RAB35: variants seen among roughly 807,000 people sequenced by gnomAD.
The protein encoded by RAB35 is RAB35, member RAS oncogene family.
A neutral mutation model predicts 28.9 loss-of-function variants in RAB35; 4 were observed. The observed-to-expected ratio is 0.14, with a 90% CI of 0.07 to 0.32. The LOEUF (loss-of-function observed/expected upper bound fraction) is 0.32, where lower values mean the gene tolerates loss of function less well. RAB35 is among the 10% of genes least tolerant of loss of function. The pLI, the probability that RAB35 is intolerant of heterozygous loss-of-function variation, is 1.00. For missense variants in RAB35, 128 were observed against 274.0 expected (o/e 0.47, Z 3.76); for synonymous variants, 99 against 105.1 (o/e 0.94, Z 0.35).
chr12:120,116,452 C>G (rs148690017), intron 1 of RAB35, 147 bp downstream of exon 1: 11,852 of 470,394 alleles, frequency 0.025, 385 homozygotes, highest in African/African-American at 0.11. Flanking sequence ...CGGAGCCCCT[C>G]GGCGCACCCC....
chr12:120,098,984 G>A (rs1175905930), intron 4 of RAB35, 46 bp downstream of exon 4: 1 of 1,614,018 alleles, frequency 6.2e-7, no homozygotes, highest in Admixed American at 1.7e-5. Flanking sequence ...GCAGCCGGCT[G>A]CCTCTCTCCC....
At chr12:120,104,498 G>T (rs752021163) in intron 2 of RAB35, among the ~76,000 whole-genome samples, 44 of 152,322 alleles carry the variant, frequency 2.9e-4, no homozygotes, top group Admixed American at 1.1e-3. Context: ...GCAGAAAGTG[G>T]CGAGGCCAGA....
In RAB35 at chr12:120,096,081, C is replaced by T; in HGVS notation, c.*1164G>A. ...AGGAAATCCTCTTGCTACCTTTGTC[C>T]TGACAAAGGTTAGGACAGTGACCAG... On this transcript the variant is annotated 3_prime_UTR_variant, in exon 6 of 6. Transcript: ENST00000229340. 5.1e-6 allele frequency: 1 copy of T among 196,960 alleles called. No individual in the cohort carries two copies. The highest frequency in any genetic ancestry group is 1.1e-5 in the Non-Finnish European group (1 of 94,674). 12.2% of individuals were successfully genotyped at this position (196,960 alleles called of 1,614,324 possible).
intron 1 of RAB35, chr12:120,108,776 C>G (rs1287432300): frequency 1.9e-6 from 1 of 531,276 alleles, no homozygotes. Flanking sequence ...AGATGCCAGA[C>G]GACAAAGCAG....
intron 2 of RAB35, among the ~76,000 whole-genome samples, chr12:120,105,674 A>G (rs2283361): frequency 0.18 from 27,862 of 152,068 alleles, 3,236 homozygotes; most frequent in East Asian, 0.45. Flanking sequence ...CTGTAATCCC[A>G]GCACTCTGGG....
intron 2 of RAB35, among the ~76,000 whole-genome samples, chr12:120,106,092 T>C (rs1210168167): frequency 6.6e-6 from 1 of 152,072 alleles, no homozygotes; most frequent in Admixed American, 6.6e-5. Flanking sequence ...GTTGCCGTAA[T>C]GCTTCCAGGT....
At chr12:120,097,879 CTTTTT>C (rs1043936271) in intron 5 of RAB35, among the ~76,000 whole-genome samples, 21 of 127,708 alleles carry the variant, frequency 1.6e-4, no homozygotes, top group African/African-American at 5.1e-4. Context: ...CAGCTGGAAT[CTTTTT>C]TTTTTTTTTT....
chr12:120,097,456 CG>C, intron 5 of RAB35, 83 bp from the exon 6 acceptor site: 2 of 1,116,772 alleles, frequency 1.8e-6, no homozygotes. Context: ...CCCCGCCTTC[CG>C]GGGCCCAGCT....
Position 120,098,846 on chromosome 12 carries a change from C to T in RAB35, c.442G>A (p.Glu148Lys). 1 of 1,614,194 alleles carries T rather than the reference C, an allele frequency of 6.2e-7. No individual in the cohort carries two copies. Among genetic ancestry groups the T allele is most frequent in the Non-Finnish European group, 8.5e-7 (1 of 1,180,036 alleles). ...TTGACATTCTCCTTGGCGCTGGTCTCGAACAACTGGATGCCCATCTGCCCG... is the reference window on the plus strand; with the variant it reads ...TTGACATTCTCCTTGGCGCTGGTCTTGAACAACTGGATGCCCATCTGCCCG... ...FAGQMGIQLFETSAKENVNVE... is the reference protein window; with the variant it reads ...FAGQMGIQLFKTSAKENVNVE... Residue 148 changes from glutamate to lysine, a missense_variant, in exon 5 of 6, where the codon GAG (glutamate) becomes AAG (lysine). Physicochemically the swap from Glu to Lys is moderately conservative, Grantham distance 56. Coordinates refer to ENST00000229340, the MANE Select transcript of RAB35 (RefSeq NM_006861.7).
chr12:120,097,947 G>A (rs192372299), intron 5 of RAB35, among the ~76,000 whole-genome samples: 1 of 147,998 alleles, frequency 6.8e-6, no homozygotes, highest in South Asian at 2.1e-4. Flanking sequence ...GCAGTGGCGT[G>A]ATCTCAGCTC....
chr12:120,103,939 G>A lies in RAB35; in HGVS notation c.114C>T (p.Ile38=), dbSNP rs771528533. ...TCTTGAAATCCACTCCGATCGTGGT[G>A]ATGTAGCTGCCTGCACACACAGGGC... The part of the protein sequence containing the change: ...FADNTFSGSY[I]TTIGVDFKIR... Residue 38 remains isoleucine (I), a synonymous_variant, in exon 3 of 6, where the codon ATC becomes ATT. Coordinates refer to ENST00000229340, the MANE Select transcript of RAB35 (RefSeq NM_006861.7). This position sits in a 1 kb window ranked among gnomAD's most constrained non-coding sequence, Gnocchi z 6.1. 1.2e-6 allele frequency: 2 copies of A among 1,613,932 alleles called. No homozygotes were observed. Among genetic ancestry groups the A allele is most frequent in the African/African-American group, 2.7e-5 (2 of 74,910 alleles).
Position 120,108,620 on chromosome 12 carries a change from C to T in RAB35, c.53-153G>A, listed in dbSNP as rs769972783. 15 of 728,648 alleles carry T rather than the reference C, an allele frequency of 2.1e-5. 1 individual carries two copies. The highest frequency in any genetic ancestry group is 8.9e-5 in the South Asian group (6 of 67,206). 45.1% of individuals were successfully genotyped at this position (728,648 alleles called of 1,614,324 possible). ...TCAATGCTCTTTCCACCTCCCTGAG[C>T]GGCCACACACCAAGAACATCTCTTC... is the stretch of plus-strand genomic sequence containing the variant. On this transcript the variant is annotated intron_variant, in intron 1 of 5. Transcript: ENST00000229340.
intron 1 of RAB35, among the ~76,000 whole-genome samples, chr12:120,113,104 C>G (rs1050763930): frequency 3.3e-5 from 5 of 151,072 alleles, no homozygotes; most frequent in African/African-American, 1.2e-4. Context: ...GTTGGCCAGG[C>G]TGGTCTCGAA....
Position 120,115,743 on chromosome 12 carries a change from AGT to A in RAB35, c.52+854_52+855del, listed in dbSNP as rs138565707. Among the ~76,000 whole-genome samples the A allele has an allele frequency of 8.3e-4, 127 of 152,162 alleles. 1 individual carries two copies. Among genetic ancestry groups the A allele is most frequent in the Non-Finnish European group, 1.6e-3 (110 of 67,976 alleles). ...TGATCAGAGCTAGGAGCCCTCAAGC[AGT>A]GTGTGTGTGTGGCCAAAGCACTTTT... On this transcript the variant is annotated intron_variant, in intron 1 of 5. Transcript: ENST00000229340.
Position 120,096,416 on chromosome 12 carries a change from TAAAATAATCCTCCC to T in RAB35, c.*815_*828del, listed in dbSNP as rs1188865519. 3 of 1,278,584 alleles carry T rather than the reference TAAAATAATCCTCCC, an allele frequency of 2.3e-6. No individual in the cohort carries two copies. The East Asian group carries it at 1.7e-4, about 72-fold the overall frequency. The allele number at this position is 1,278,584 out of a possible 1,614,324, so 79.2% of individuals were successfully genotyped here. The stretch of plus-strand genomic sequence containing the variant: ...ATTTGGCTTCATTTTCTTGATCTGT[TAAAATAATCCTCCC>T]ATAGCCCCCCTGCCAGCCCCATCTC... On this transcript the variant is annotated 3_prime_UTR_variant, in exon 6 of 6. Transcript: ENST00000229340.
intron 2 of RAB35, among the ~76,000 whole-genome samples, chr12:120,106,495 C>T (rs1875877378): frequency 6.6e-6 from 1 of 152,160 alleles, no homozygotes. Flanking sequence ...TAACACCACA[C>T]CACTAGTGAG....
intron 5 of RAB35, among the ~76,000 whole-genome samples, 166 bp downstream of exon 5, chr12:120,098,645 G>A (rs777057638): frequency 2.0e-5 from 3 of 152,226 alleles, no homozygotes; most frequent in Non-Finnish European, 2.9e-5. Context: ...GAGGACTGTT[G>A]AACTATGAAC....
intron 2 of RAB35, among the ~76,000 whole-genome samples, chr12:120,106,133 T>C (rs978407916): frequency 3.3e-5 from 5 of 151,920 alleles, no homozygotes; most frequent in African/African-American, 1.2e-4. Context: ...ATGCTGGTCG[T>C]AGAAATGGAA....
chr12:120,108,921 G>A (rs574884200), intron 1 of RAB35, among the ~76,000 whole-genome samples: 1 of 152,384 alleles, frequency 6.6e-6, no homozygotes, highest in African/African-American at 2.4e-5. Context: ...AAGGACCCTT[G>A]AGATCATCAG....
Sources: gnomAD v4.1 joint callset for allele counts (sites outside exome capture counted in the v4.1 genomes callset) on GRCh38, gnomAD v4.1.1 for gene constraint, Gnocchi (gnomAD v3.1) non-coding constraint, MANE v1.5 for transcripts, NCBI Gene and HGNC (gene_info 2026-07-23, HGNC 2026-07-21) for gene names.